SPRY3: variants seen among roughly 807,000 people sequenced by gnomAD.
The protein encoded by SPRY3 is protein sprouty homolog 3.
SPRY3 carries 15 observed loss-of-function variants against 20.2 expected under a neutral mutation model. The ratio of observed to expected loss-of-function variants is 0.74; its 90% confidence interval spans 0.50 to 1.14. The LOEUF (loss-of-function observed/expected upper bound fraction) is 1.14, where lower values mean the gene tolerates loss of function less well. Among genes scored for constraint, SPRY3 ranks in the 50% most tolerant of loss-of-function variants. The pLI, the probability that SPRY3 is intolerant of heterozygous loss-of-function variation, is 0.00. For synonymous variants in SPRY3, 143 were observed against 136.5 expected (o/e 1.05, Z -0.33); for missense variants, 364 against 363.9 (o/e 1.00, Z 0.00).
chrX:155,728,396 C>G (rs781020105), intron 2 of SPRY3, among the ~76,000 whole-genome samples: 2 of 152,326 alleles, frequency 1.3e-5, no homozygotes, highest in South Asian at 4.1e-4. Flanking sequence ...GCCTTTTGTT[C>G]AGCTATGCCC....
At chrX:155,660,785 C>CTT (rs111299450) in intron 2 of SPRY3, among the ~76,000 whole-genome samples, 3 of 100,047 alleles carry the variant, frequency 3.0e-5, no homozygotes, top group African/African-American at 7.2e-5. Context: ...CCTTCTTTGT[C>CTT]TTTTTTTTTT....
intron 2 of SPRY3, among the ~76,000 whole-genome samples, chrX:155,717,154 CAAAA>C (rs1178558140): frequency 1.6e-5 from 2 of 122,472 alleles, no homozygotes; most frequent in Admixed American, 8.4e-5. Context: ...GTGAGACTGT[CAAAA>C]AAAAAAAAAA....
chrX:155,774,718 G>T, exon 4 of SPRY3: 3 of 1,612,686 alleles, frequency 1.9e-6, no homozygotes, highest in Non-Finnish European at 2.5e-6. Flanking sequence ...CTTCCCCAAG[G>T]CCCAGGAAAA....
At chrX:155,780,515 C>G (rs1328920291), downstream of SPRY3, 1 of 166,856 alleles carries the variant, frequency 6.0e-6, no homozygotes, top group Non-Finnish European at 1.5e-5. Context: ...TTTTTAATAT[C>G]TACCAATTAT....
At chrX:155,756,858 G>GA (rs954285829) in intron 2 of SPRY3, among the ~76,000 whole-genome samples, 170 of 150,292 alleles carry the variant, frequency 1.1e-3, no homozygotes, top group Middle Eastern at 3.4e-3. Flanking sequence ...CACTGAATGA[G>GA]AAAAAAAAAC....
At chrX:155,764,772 T>G (rs2091318025) in intron 2 of SPRY3, among the ~76,000 whole-genome samples, 1 of 151,974 alleles carries the variant, frequency 6.6e-6, no homozygotes, top group Non-Finnish European at 1.5e-5. Flanking sequence ...AAGAGAGAGG[T>G]GATTAGGCAA....
At chrX:155,764,696 G>A (rs2091317606) in intron 2 of SPRY3, among the ~76,000 whole-genome samples, 1 of 152,090 alleles carries the variant, frequency 6.6e-6, no homozygotes, top group Non-Finnish European at 1.5e-5. Flanking sequence ...CTGCAATGAT[G>A]GTAAGCACAA....
At chrX:155,756,214 G>A (rs779851205) in intron 2 of SPRY3, among the ~76,000 whole-genome samples, 1 of 152,194 alleles carries the variant, frequency 6.6e-6, no homozygotes, top group East Asian at 1.9e-4. Flanking sequence ...CTACCTCAGA[G>A]TTTCTGACAT....
exon 2 of SPRY3, chrX:155,782,397 C>G (rs1268517808): frequency 1.8e-5 from 3 of 166,806 alleles, no homozygotes; most frequent in Admixed American, 6.6e-5. Flanking sequence ...ACTTCTACCC[C>G]CCTAGGAGTC....
chrX:155,655,444 A>G (rs1181764348), intron 1 of SPRY3, among the ~76,000 whole-genome samples: 4 of 111,603 alleles, frequency 3.6e-5, no homozygotes, highest in African/African-American at 9.8e-5. Context: ...GCCAAAGTCT[A>G]AAGAGTTTTC....
At chrX:155,760,052 C>A (rs1232609841) in intron 2 of SPRY3, among the ~76,000 whole-genome samples, 1 of 152,122 alleles carries the variant, frequency 6.6e-6, no homozygotes, top group Non-Finnish European at 1.5e-5. Flanking sequence ...CTATTGTAAT[C>A]ACTGGTTTTA....
At chrX:155,731,132 A>G (rs2091129717) in intron 2 of SPRY3, among the ~76,000 whole-genome samples, 1 of 152,094 alleles carries the variant, frequency 6.6e-6, no homozygotes, top group Non-Finnish European at 1.5e-5. Flanking sequence ...AATACCAATG[A>G]CATTCTTCAC....
chrX:155,689,487 T>C (rs1486390258), intron 2 of SPRY3, among the ~76,000 whole-genome samples: 1 of 87,044 alleles, frequency 1.1e-5, no homozygotes. Flanking sequence ...GGTCCTGGGC[T>C]TTTACTGGTT....
intron 2 of SPRY3, among the ~76,000 whole-genome samples, chrX:155,717,415 T>C (rs187241662): frequency 3.8e-3 from 580 of 152,180 alleles, no homozygotes; most frequent in Admixed American, 6.3e-3. Context: ...ATACTTTAAG[T>C]TCTGGGATAC....
At chrX:155,718,605 C>T (rs1301606796) in intron 2 of SPRY3, among the ~76,000 whole-genome samples, 1 of 152,002 alleles carries the variant, frequency 6.6e-6, no homozygotes, top group East Asian at 1.9e-4. Context: ...AATAAAGACA[C>T]ACCACAGATA....
At chrX:155,739,447 G>A (rs996499038) in intron 2 of SPRY3, among the ~76,000 whole-genome samples, 1 of 152,196 alleles carries the variant, frequency 6.6e-6, no homozygotes, top group African/African-American at 2.4e-5. Context: ...CAGCACATCT[G>A]CTCAGCCAAA....
chrX:155,625,392 T>A lies in SPRY3; in HGVS notation c.-441+12745T>A, dbSNP rs1456072922. Among the ~76,000 whole-genome samples the A allele has an allele frequency of 3.6e-5, 4 of 111,809 alleles. No homozygotes were observed. In the East Asian group the frequency reaches 1.1e-3, roughly 31 times the overall value. On this transcript the variant is annotated intron_variant, in intron 1 of 3. Transcript: ENST00000675360. Reference sequence around the variant, plus strand: ...ATGTTTAGGATGTACCTATAAAAGATAAAAACTGTTTTATTCAATATAACC... The same window carrying A: ...ATGTTTAGGATGTACCTATAAAAGAAAAAAACTGTTTTATTCAATATAACC...
At chrX:155,657,394 C>T (rs2067995519) in intron 2 of SPRY3, among the ~76,000 whole-genome samples, 1 of 112,229 alleles carries the variant, frequency 8.9e-6, no homozygotes, top group Non-Finnish European at 1.9e-5. Context: ...GTCTGAATTT[C>T]TAGGCCTTTT....
chrX:155,711,856 C>T (rs1349295128), intron 2 of SPRY3, among the ~76,000 whole-genome samples: 1 of 151,072 alleles, frequency 6.6e-6, no homozygotes, highest in East Asian at 1.9e-4. Context: ...AAATTTTTCT[C>T]TAGTACTGCT....
Sources: gnomAD v4.1 joint callset for allele counts (sites outside exome capture counted in the v4.1 genomes callset) on GRCh38, gnomAD v4.1.1 for gene constraint, MANE v1.5 for transcripts, NCBI Gene and HGNC (gene_info 2026-07-23, HGNC 2026-07-21) for gene names.